Variants in ARID1B observed in about 807,000 individuals in gnomAD.
ARID1B encodes the protein AT-rich interactive domain-containing protein 1B.
In ARID1B, 30 loss-of-function variants were observed where a neutral mutation model predicts 212.3. The ratio of observed to expected loss-of-function variants is 0.14; its 90% CI spans 0.11 to 0.19. ARID1B has a LOEUF of 0.19. Among genes scored for constraint, ARID1B ranks in the 10% least tolerant of loss-of-function variants. ARID1B has a pLI of 1.00. For missense variants in ARID1B, 2,891 were observed against 3,204.0 expected (o/e 0.90, Z 2.36); for synonymous variants, 1,402 against 1,301.7 (o/e 1.08, Z -1.66).
chr6:157,055,100 C>T (rs116290012), intron 4 of ARID1B, among the ~76,000 whole-genome samples: 1 of 152,240 alleles, frequency 6.6e-6, no homozygotes, highest in African/African-American at 2.4e-5. Flanking sequence ...CACCTCACCA[C>T]TGAAGCCAGC....
At chr6:157,052,047 G>C (rs1483408622) in intron 4 of ARID1B, among the ~76,000 whole-genome samples, 1 of 152,176 alleles carries the variant, frequency 6.6e-6, no homozygotes, top group Admixed American at 6.5e-5. Flanking sequence ...GTTAAAAACT[G>C]AAGGCTGAGG....
chr6:157,048,009 G>A (rs1782353006), intron 4 of ARID1B, among the ~76,000 whole-genome samples: 1 of 152,168 alleles, frequency 6.6e-6, no homozygotes, highest in South Asian at 2.1e-4. Flanking sequence ...GAAGATGGGG[G>A]TGATTTTGAT....
At chr6:156,896,128 G>A (rs1410519881) in intron 2 of ARID1B, among the ~76,000 whole-genome samples, 1 of 152,192 alleles carries the variant, frequency 6.6e-6, no homozygotes, top group Non-Finnish European at 1.5e-5. Flanking sequence ...TTCTGTCTTA[G>A]AGTTAGATTT....
At chr6:156,994,937 CCT>C (rs1387793216) in intron 4 of ARID1B, among the ~76,000 whole-genome samples, 1 of 152,226 alleles carries the variant, frequency 6.6e-6, no homozygotes, top group African/African-American at 2.4e-5. Flanking sequence ...ACTGTCCTCC[CCT>C]GTCAGCTGGG....
At chr6:156,921,727 A>G (rs915890661) in intron 3 of ARID1B, among the ~76,000 whole-genome samples, 7 of 152,208 alleles carry the variant, frequency 4.6e-5, no homozygotes, top group African/African-American at 1.7e-4. Flanking sequence ...AAAGTAATAC[A>G]TATTTGTAAA....
At position 156,779,439 on chromosome 6, in the gene ARID1B, G is replaced by C. The variant is rs2115005820; in HGVS notation, c.1759G>C (p.Gly587Arg). The C allele has an allele frequency of 1.4e-6, 2 of 1,463,068 alleles. No individual in the cohort carries two copies. Among genetic ancestry groups the C allele is most frequent in the Admixed American group, 2.1e-5 (1 of 47,886 alleles). 90.6% of individuals were successfully genotyped at this position (1,463,068 alleles called of 1,614,324 possible). Residue 587 changes from glycine to arginine, a missense_variant, in exon 1 of 20, where the codon GGC (glycine) becomes CGC (arginine). By Grantham distance (125) the Gly-to-Arg change is moderately radical. Coordinates refer to ENST00000636930, the MANE Select transcript of ARID1B (RefSeq NM_001374828.1). ...AAGGAGTCACCCGGCGATGAGCCCC[G>C]GCACCCCCGGACCGACCATGGGCAG... ...QQRSHPAMSPGTPGPTMGRSQ... is the reference protein window; with the variant it reads ...QQRSHPAMSPRTPGPTMGRSQ...
intron 2 of ARID1B, among the ~76,000 whole-genome samples, chr6:156,837,231 G>A (rs1166112536): frequency 2.6e-5 from 4 of 152,184 alleles, no homozygotes; most frequent in Admixed American, 2.6e-4. Flanking sequence ...TGTGTAGAGT[G>A]CAGTCTGTCC....
At chr6:156,945,234 T>C (rs1342713573) in intron 4 of ARID1B, among the ~76,000 whole-genome samples, 3 of 35,606 alleles carry the variant, frequency 8.4e-5, no homozygotes, top group African/African-American at 3.5e-4. Context: ...CGCATCCGGC[T>C]TTTTTTTTTT....
chr6:157,208,308 A>C lies in ARID1B; in HGVS notation c.*417A>C. 4.2e-6 allele frequency: 1 copy of C among 235,598 alleles called. No homozygotes were observed. The highest frequency in any genetic ancestry group is 5.6e-5 in the Admixed American group (1 of 17,846). The allele number at this position is 235,598 out of a possible 1,614,324, so 14.6% of individuals were successfully genotyped here. A position where few individuals can be genotyped will look rare whatever the true frequency, so the allele number is the denominator to read the frequency against. On this transcript the variant is annotated 3_prime_UTR_variant, in exon 20 of 20. Transcript: ENST00000636930. ...TCACCACACTGAGTCAAAAAGGTGA[A>C]AAATTATCCATTTCCTATGCGTTTT...
intron 11 of ARID1B, among the ~76,000 whole-genome samples, chr6:157,178,529 C>T (rs1792271787): frequency 6.6e-6 from 1 of 152,178 alleles, no homozygotes. Flanking sequence ...GAGGCCTCTT[C>T]CGAATTTATC....
In ARID1B at chr6:156,832,466, G is replaced by T. The variant is rs534064793; in HGVS notation, c.1986+3045G>T. Among the ~76,000 whole-genome samples the T allele has an allele frequency of 2.6e-5, 4 of 152,284 alleles. 1 individual carries two copies. The South Asian group carries it at 8.3e-4, about 32-fold the overall frequency. On this transcript the variant is annotated intron_variant, in intron 2 of 19. Transcript: ENST00000636930. ...CCTAGGCATGACTTTGCTTTGGATG[G>T]CTTCCAGAACGTTCTGTGTTTGGTT...
At chr6:156,888,635 G>A (rs1047271045) in intron 2 of ARID1B, among the ~76,000 whole-genome samples, 3 of 132,958 alleles carry the variant, frequency 2.3e-5, no homozygotes, top group African/African-American at 6.1e-5. Flanking sequence ...ATGATACCAC[G>A]AGTGTGCTTT....
chr6:157,175,528 T>G (rs1480560096), intron 11 of ARID1B: 3 of 152,214 alleles, frequency 2.0e-5, no homozygotes, highest in Non-Finnish European at 4.4e-5. Context: ...TTAACCCATT[T>G]GTCTGAAATT....
At chr6:157,077,418 T>G (rs993309572) in intron 4 of ARID1B, among the ~76,000 whole-genome samples, 2 of 152,196 alleles carry the variant, frequency 1.3e-5, no homozygotes, top group African/African-American at 2.4e-5. Flanking sequence ...CGTGAGGCCA[T>G]GCGCAGCCTG....
At chr6:156,864,219 A>G (rs1331562009) in intron 2 of ARID1B, among the ~76,000 whole-genome samples, 1 of 152,180 alleles carries the variant, frequency 6.6e-6, no homozygotes, top group Non-Finnish European at 1.5e-5. Context: ...TATACTGGGA[A>G]TTGTAGTTTT....
At chr6:157,021,259 T>A (rs928781501) in intron 4 of ARID1B, among the ~76,000 whole-genome samples, 9 of 152,158 alleles carry the variant, frequency 5.9e-5, no homozygotes, top group Non-Finnish European at 1.2e-4. Flanking sequence ...GGCCCCGCGG[T>A]ACAGCGGGGA....
intron 4 of ARID1B, among the ~76,000 whole-genome samples, chr6:156,979,590 G>A (rs937545364): frequency 2.4e-4 from 37 of 151,120 alleles, no homozygotes; most frequent in Non-Finnish European, 1.6e-4. Flanking sequence ...ACAAAGTCTC[G>A]CTCTGTCGCC....
chr6:157,092,926 G>T (rs965457913), intron 5 of ARID1B, among the ~76,000 whole-genome samples: 1 of 152,132 alleles, frequency 6.6e-6, no homozygotes, highest in African/African-American at 2.4e-5. Flanking sequence ...GTTCTCTGGA[G>T]AAGCACTTCA....
chr6:157,179,717 T>C (rs1244066526), intron 11 of ARID1B, among the ~76,000 whole-genome samples: 1 of 152,204 alleles, frequency 6.6e-6, no homozygotes, highest in East Asian at 1.9e-4. Flanking sequence ...CCAGTGACTC[T>C]GGAGAATCAC....
Sources: allele counts gnomAD v4.1 joint callset (sites outside exome capture counted in the v4.1 genomes callset), GRCh38; gene constraint gnomAD v4.1.1; transcripts MANE v1.5; gene names NCBI Gene and HGNC (gene_info 2026-07-23, HGNC 2026-07-21).